Variants in IGFBP7 observed in about 807,000 individuals in gnomAD.
IGFBP7 encodes the protein insulin-like growth factor-binding protein 7.
IGFBP7 carries 31 observed loss-of-function variants against 29.4 expected under a neutral mutation model. The ratio of observed to expected loss-of-function variants is 1.05; its 90% CI spans 0.79 to 1.42. IGFBP7 has a LOEUF of 1.42. IGFBP7 is among the 40% of genes most tolerant of loss of function. IGFBP7 has a pLI of 0.00. For synonymous variants in IGFBP7, 172 were observed against 174.9 expected, an observed-to-expected ratio of 0.98 and a Z score of 0.13; for missense variants, 393 against 395.5, an observed-to-expected ratio of 0.99 and a Z score of 0.05.
At chr4:57,049,010 C>T (rs1724435600) in intron 1 of IGFBP7, among the ~76,000 whole-genome samples, 1 of 152,156 alleles carries the variant, frequency 6.6e-6, no homozygotes, top group Non-Finnish European at 1.5e-5. Flanking sequence ...GATGCTTTGA[C>T]ATTTATGAAG....
At chr4:57,041,094 A>G (rs1019270318) in intron 1 of IGFBP7, among the ~76,000 whole-genome samples, 161 bp from the exon 2 acceptor site, 1 of 152,240 alleles carries the variant, frequency 6.6e-6, no homozygotes, top group African/African-American at 2.4e-5. Flanking sequence ...TGCCACCAAC[A>G]TGATTTTAAG....
chr4:57,056,612 G>T (rs1401089686), intron 1 of IGFBP7, among the ~76,000 whole-genome samples: 1 of 152,206 alleles, frequency 6.6e-6, no homozygotes, highest in Non-Finnish European at 1.5e-5. Flanking sequence ...CCTGCCTGGT[G>T]AGAACTGGAA....
chr4:57,032,205 A>G, intron 4 of IGFBP7: 1 of 1,213,406 alleles, frequency 8.2e-7, no homozygotes, highest in Non-Finnish European at 1.1e-6. Flanking sequence ...ATGTTAGATA[A>G]GGTAAAAGCA....
intron 1 of IGFBP7, among the ~76,000 whole-genome samples, chr4:57,106,999 G>A (rs7681360): frequency 0.46 from 69,730 of 151,868 alleles, 17,727 homozygotes; most frequent in Non-Finnish European, 0.59. Context: ...CAAGCAGATC[G>A]CTTTGCCTCC....
chr4:57,106,471 T>C (rs538267960), intron 1 of IGFBP7, among the ~76,000 whole-genome samples: 1 of 152,230 alleles, frequency 6.6e-6, no homozygotes, highest in Admixed American at 6.5e-5. Context: ...TAGAGACATA[T>C]GTGCTGAAGT....
intron 1 of IGFBP7, among the ~76,000 whole-genome samples, chr4:57,087,170 C>T (rs1578643767): frequency 6.6e-6 from 1 of 152,346 alleles, no homozygotes; most frequent in Non-Finnish European, 1.5e-5. Context: ...GCACCTGACA[C>T]ATAGAAAACA....
At chr4:57,084,787 G>GTTT (rs200133462) in intron 1 of IGFBP7, among the ~76,000 whole-genome samples, 1 of 65,970 alleles carries the variant, frequency 1.5e-5, no homozygotes, top group African/African-American at 4.0e-5. Flanking sequence ...GTTTAAAAAA[G>GTTT]GTTTTTTTTT....
At chr4:57,040,663 TC>T (rs1425353058) in intron 2 of IGFBP7, among the ~76,000 whole-genome samples, 160 bp downstream of exon 2, 2 of 152,222 alleles carry the variant, frequency 1.3e-5, no homozygotes, top group Non-Finnish European at 2.9e-5. Context: ...TGGTTTTTGT[TC>T]CATGAATCCA....
chr4:57,108,710 G>GTA (rs976819156), intron 1 of IGFBP7, among the ~76,000 whole-genome samples: 9 of 151,252 alleles, frequency 6.0e-5, no homozygotes, highest in African/African-American at 1.5e-4. Flanking sequence ...CCCAGCTAAT[G>GTA]TATATATATA....
At chr4:57,038,878 C>T (rs1316827276) in intron 2 of IGFBP7, among the ~76,000 whole-genome samples, 4 of 151,908 alleles carry the variant, frequency 2.6e-5, no homozygotes. Flanking sequence ...ACCAGCCTGA[C>T]CAACATGGAG....
At chr4:57,073,151 T>C in intron 1 of IGFBP7, 1 of 1,585,704 alleles carries the variant, frequency 6.3e-7, no homozygotes, top group South Asian at 1.1e-5. Flanking sequence ...GCCCAGCCTG[T>C]CCTTGTGTCG....
intron 1 of IGFBP7, among the ~76,000 whole-genome samples, chr4:57,073,894 C>T (rs149282533): frequency 2.0e-5 from 3 of 152,124 alleles, no homozygotes; most frequent in African/African-American, 4.8e-5. Flanking sequence ...TAATCTCTAT[C>T]GCACAAAGGT....
chr4:57,093,422 C>A (rs1457279282), intron 1 of IGFBP7, among the ~76,000 whole-genome samples: 5 of 151,768 alleles, frequency 3.3e-5, no homozygotes, highest in Non-Finnish European at 5.9e-5. Flanking sequence ...ATCGCTTGAA[C>A]CTGGGAGGTA....
At chr4:57,050,204 C>T (rs1278837525) in intron 1 of IGFBP7, among the ~76,000 whole-genome samples, 1 of 151,462 alleles carries the variant, frequency 6.6e-6, no homozygotes, top group East Asian at 1.9e-4. Context: ...ATACTATTCA[C>T]ATTATGGTTC....
chr4:57,084,469 G>A (rs1001823797), intron 1 of IGFBP7, among the ~76,000 whole-genome samples: 5 of 152,186 alleles, frequency 3.3e-5, no homozygotes, highest in African/African-American at 1.2e-4. Flanking sequence ...TAAGTCACAT[G>A]TTTATGCATT....
intron 1 of IGFBP7, among the ~76,000 whole-genome samples, chr4:57,050,918 T>C (rs1389773117): frequency 6.6e-6 from 1 of 152,124 alleles, no homozygotes; most frequent in East Asian, 1.9e-4. Flanking sequence ...CTCCGAGTTA[T>C]GATAGATTTG....
At chr4:57,061,461 T>A (rs1287510943) in intron 1 of IGFBP7, among the ~76,000 whole-genome samples, 1 of 152,152 alleles carries the variant, frequency 6.6e-6, no homozygotes, top group Admixed American at 6.6e-5. Flanking sequence ...GGGCCATTAT[T>A]AAGTAAAATA....
At chr4:57,034,183 TACTG>T (rs764212782) in intron 2 of IGFBP7, among the ~76,000 whole-genome samples, 28 of 152,116 alleles carry the variant, frequency 1.8e-4, no homozygotes, top group Non-Finnish European at 3.7e-4. Flanking sequence ...GCAAGGCCAA[TACTG>T]AATAGTATCC....
intron 1 of IGFBP7, among the ~76,000 whole-genome samples, chr4:57,095,531 G>A (rs1725740307): frequency 6.6e-6 from 1 of 152,204 alleles, no homozygotes; most frequent in South Asian, 2.1e-4. Context: ...ATTAAGTCAT[G>A]TAACTCTCAC....
Sources: allele counts gnomAD v4.1 joint callset (sites outside exome capture counted in the v4.1 genomes callset), GRCh38; gene constraint gnomAD v4.1.1; transcripts MANE v1.5; gene names NCBI Gene and HGNC (gene_info 2026-07-23, HGNC 2026-07-21).